Variants in ANKRD30B observed in about 807,000 individuals in gnomAD.
ANKRD30B encodes ankyrin repeat domain-containing protein 30B.
ANKRD30B carries 144 observed loss-of-function variants against 202.2 expected under a neutral mutation model. That is an observed-to-expected ratio of 0.71 (90% CI 0.62 to 0.82). The LOEUF (loss-of-function observed/expected upper bound fraction) is 0.82, where lower values mean the gene tolerates loss of function less well. ANKRD30B is among the 40% of genes least tolerant of loss of function. The pLI, the probability that ANKRD30B is intolerant of heterozygous loss-of-function variation, is 0.00. For missense variants in ANKRD30B, 1,487 were observed against 1,669.1 expected (o/e 0.89, Z 1.90); for synonymous variants, 508 against 561.3 (o/e 0.91, Z 1.34).
In ANKRD30B at chr18:14,754,442, T is replaced by C. The variant is rs146009870; in HGVS notation, c.511-457T>C. On this transcript the variant is annotated intron_variant, in intron 3 of 43. Coordinates refer to ENST00000690538, the MANE Select transcript of ANKRD30B (RefSeq NM_001367607.2). ...TATAATATTTCTTGAACATAGATAATGGTGGAATCTGTTGGGGTACAGTGC... is the reference window on the plus strand; with the variant it reads ...TATAATATTTCTTGAACATAGATAACGGTGGAATCTGTTGGGGTACAGTGC... 2.6e-5 allele frequency among the ~76,000 whole-genome samples: 4 copies of C among 152,286 alleles called. No homozygotes were observed. In the East Asian group the frequency reaches 7.7e-4, roughly 29 times the overall value.
chr18:14,868,297 G>A, the ANKRD30B span, among the ~76,000 whole-genome samples: 5 of 152,298 alleles, frequency 3.3e-5, no homozygotes, highest in Admixed American at 6.5e-5. Flanking sequence ...GGTGCAGCCA[G>A]GGCAAGGAGG....
chr18:14,935,690 G>A, the ANKRD30B span, among the ~76,000 whole-genome samples: 2 of 152,256 alleles, frequency 1.3e-5, no homozygotes, highest in Admixed American at 6.5e-5. Flanking sequence ...GTGCATGTGG[G>A]TATATGTGTA....
intron 5 of ANKRD30B, among the ~76,000 whole-genome samples, chr18:14,758,965 G>A (rs1472926585): frequency 6.6e-6 from 1 of 152,132 alleles, no homozygotes; most frequent in African/African-American, 2.4e-5. Context: ...GTTGTAGTGG[G>A]TTCCAACTTG....
At chr18:14,939,514 G>T in the ANKRD30B span, among the ~76,000 whole-genome samples, 1 of 152,120 alleles carries the variant, frequency 6.6e-6, no homozygotes. Flanking sequence ...CAGCTGCACT[G>T]GAATTTGGAG....
intron 32 of ANKRD30B, among the ~76,000 whole-genome samples, chr18:14,824,078 G>T (rs1970567369): frequency 6.7e-6 from 1 of 149,824 alleles, no homozygotes; most frequent in Non-Finnish European, 1.5e-5. Context: ...TCAATAAATA[G>T]TTGTACACTG....
chr18:14,926,614 T>A, the ANKRD30B span, among the ~76,000 whole-genome samples: 1 of 152,224 alleles, frequency 6.6e-6, no homozygotes. Context: ...ACAAATATTT[T>A]AAATTTTAAC....
intron 26 of ANKRD30B, 137 bp downstream of exon 26, chr18:14,808,881 G>A (rs1292077489): frequency 1.6e-5 from 13 of 789,924 alleles, no homozygotes; most frequent in African/African-American, 5.3e-5. Context: ...GCAAATGTTA[G>A]TATTTATGTT....
At chr18:14,904,679 G>T in the ANKRD30B span, among the ~76,000 whole-genome samples, 2 of 152,146 alleles carry the variant, frequency 1.3e-5, no homozygotes, top group Non-Finnish European at 2.9e-5. Flanking sequence ...AATATTTAGA[G>T]ATTTATTCTT....
chr18:14,881,734 G>T, the ANKRD30B span, among the ~76,000 whole-genome samples: 52 of 151,316 alleles, frequency 3.4e-4, no homozygotes, highest in African/African-American at 1.1e-3. Context: ...TCTGGTCCTC[G>T]GCTTTTTTTT....
At chr18:14,934,205 G>C in the ANKRD30B span, among the ~76,000 whole-genome samples, 1 of 152,250 alleles carries the variant, frequency 6.6e-6, no homozygotes, top group South Asian at 2.1e-4. Flanking sequence ...GGTCTCCTGA[G>C]CCTGGCCTGG....
At chr18:14,893,233 T>C in the ANKRD30B span, among the ~76,000 whole-genome samples, 1 of 152,198 alleles carries the variant, frequency 6.6e-6, no homozygotes, top group African/African-American at 2.4e-5. Context: ...AGCTCAAGAA[T>C]AAAGCAATTA....
chr18:14,835,401 A>T (rs895805409), intron 34 of ANKRD30B, among the ~76,000 whole-genome samples: 6 of 151,548 alleles, frequency 4.0e-5, no homozygotes, highest in Non-Finnish European at 8.9e-5. Flanking sequence ...CATTGGAAGA[A>T]TACTTTTTAC....
At chr18:14,907,307 AT>A in the ANKRD30B span, among the ~76,000 whole-genome samples, 1 of 151,162 alleles carries the variant, frequency 6.6e-6, no homozygotes, top group Non-Finnish European at 1.5e-5. Flanking sequence ...TCCAAACTCA[AT>A]TTTACTGAAA....
In ANKRD30B at chr18:14,748,367, C is replaced by T. The variant is rs1325787399; in HGVS notation, c.-53C>T. On this transcript the variant is annotated 5_prime_UTR_variant, in exon 1 of 44. Transcript: ENST00000690538. ...GGGAAGCGAGGGCGAGGGGTAGGGG[C>T]TGGGGAAGGGCGAGCGGGAGGCGCG... 5 of 1,385,024 alleles carry T rather than the reference C, an allele frequency of 3.6e-6. No homozygotes were observed. In the African/African-American group the frequency reaches 5.9e-5, roughly 16 times the overall value. The allele number at this position is 1,385,024 out of a possible 1,614,324, so 85.8% of individuals were successfully genotyped here. A position where few individuals can be genotyped will look rare whatever the true frequency, so the allele number is the denominator to read the frequency against.
intron 21 of ANKRD30B, 38 bp from the exon 22 acceptor site, chr18:14,799,185 C>G (rs767330535): frequency 6.3e-7 from 1 of 1,585,800 alleles, no homozygotes; most frequent in Non-Finnish European, 8.6e-7. Flanking sequence ...ATGAAGTATA[C>G]ATTATATGTT....
At chr18:14,881,514 G>T in the ANKRD30B span, among the ~76,000 whole-genome samples, 1 of 152,102 alleles carries the variant, frequency 6.6e-6, no homozygotes, top group Admixed American at 6.6e-5. Context: ...TGGCTTCTGT[G>T]TTCATCAAGG....
chr18:14,937,570 G>A, the ANKRD30B span, among the ~76,000 whole-genome samples: 1 of 56,398 alleles, frequency 1.8e-5, no homozygotes, highest in African/African-American at 6.4e-5. Flanking sequence ...TTCATGGGGT[G>A]TAGCCAATTG....
chr18:14,917,496 A>G, the ANKRD30B span, among the ~76,000 whole-genome samples: 6 of 152,104 alleles, frequency 3.9e-5, no homozygotes, highest in African/African-American at 1.2e-4. Context: ...TGGCCATGCA[A>G]TCACCCTGGA....
the ANKRD30B span, among the ~76,000 whole-genome samples, chr18:14,912,095 G>A: frequency 3.9e-5 from 6 of 152,042 alleles, no homozygotes; most frequent in African/African-American, 1.4e-4. Flanking sequence ...CTCTTTTCTA[G>A]TTTGAATGTC....
Sources: gnomAD v4.1 joint callset for allele counts (sites outside exome capture counted in the v4.1 genomes callset) on GRCh38, gnomAD v4.1.1 for gene constraint, MANE v1.5 for transcripts, NCBI Gene and HGNC (gene_info 2026-07-23, HGNC 2026-07-21) for gene names.